The following RPTOR variants were observed in gnomAD, a reference collection of about 807,000 sequenced individuals.
RPTOR encodes the protein regulatory-associated protein of mTOR.
Under a neutral mutation model 169.9 loss-of-function variants are expected in RPTOR, and 21 were observed. The observed-to-expected ratio is 0.12, with a 90% CI of 0.09 to 0.18. The LOEUF is 0.18. Ranked by LOEUF, RPTOR falls within the 10% of genes least tolerant of loss-of-function variation. The pLI, the probability that RPTOR is intolerant of heterozygous loss-of-function variation, is 1.00. For synonymous variants in RPTOR, 732 were observed against 753.2 expected, an observed-to-expected ratio of 0.97 and a Z score of 0.46; for missense variants, 1,133 against 1,855.9, an observed-to-expected ratio of 0.61 and a Z score of 7.16.
At chr17:80,546,543 T>G (rs941062702) in intron 1 of RPTOR, among the ~76,000 whole-genome samples, 2 of 152,104 alleles carry the variant, frequency 1.3e-5, no homozygotes, top group African/African-American at 4.8e-5. Flanking sequence ...ATCTATTTCC[T>G]GGCCTCAAAA....
At chr17:80,813,758 T>C (rs1190798697) in intron 7 of RPTOR, among the ~76,000 whole-genome samples, 4 of 152,232 alleles carry the variant, frequency 2.6e-5, no homozygotes, top group Non-Finnish European at 5.9e-5. Context: ...CTCTACACCG[T>C]CATTTTCATA....
At chr17:80,681,504 G>A (rs1437888596) in intron 3 of RPTOR, among the ~76,000 whole-genome samples, 4 of 152,156 alleles carry the variant, frequency 2.6e-5, no homozygotes, top group Non-Finnish European at 5.9e-5. Flanking sequence ...GGGGAGTGTA[G>A]GGAAGGCCGG....
chr17:80,739,589 C>A (rs2066465448), intron 5 of RPTOR, among the ~76,000 whole-genome samples: 1 of 152,060 alleles, frequency 6.6e-6, no homozygotes, highest in Admixed American at 6.6e-5. Flanking sequence ...TAAAATAAAC[C>A]TCAACAAGTT....
Position 80,601,265 on chromosome 17 carries a change from A to T in RPTOR, c.163-24426A>T, listed in dbSNP as rs1028636802. Among the ~76,000 whole-genome samples the T allele has an allele frequency of 5.9e-5, 9 of 152,392 alleles. No homozygotes were observed. The East Asian group carries it at 1.7e-3, about 29-fold the overall frequency. ...CATCTTGCCTGCTGAGGACCCGGACATTGTGGAGCAGAGACAGGGTGTCCC... is the reference window on the plus strand; with the variant it reads ...CATCTTGCCTGCTGAGGACCCGGACTTTGTGGAGCAGAGACAGGGTGTCCC... On this transcript the variant is annotated intron_variant, in intron 1 of 33. Transcript: ENST00000306801.
At chr17:80,751,478 C>A (rs1485660267) in intron 5 of RPTOR, among the ~76,000 whole-genome samples, 1 of 151,994 alleles carries the variant, frequency 6.6e-6, no homozygotes, top group African/African-American at 2.4e-5. Context: ...TGTGAAGAGC[C>A]GTGAGAAATA....
intron 1 of RPTOR, among the ~76,000 whole-genome samples, chr17:80,568,748 C>T (rs1186279956): frequency 6.6e-6 from 1 of 152,184 alleles, no homozygotes; most frequent in Non-Finnish European, 1.5e-5. Flanking sequence ...TCCCCATTCC[C>T]TCCATCTTTT....
rs1698214728 is a variant in RPTOR at position 80,717,222 on chromosome 17, G to A, written c.507+9223G>A. On this transcript the variant is annotated intron_variant, in intron 4 of 33. Transcript: ENST00000306801. ...TCTCCTTGACTCTTTAGTCCTCCTG[G>A]TGTGGTCTGTTTTTCTCCACAGCTT... 2.6e-5 allele frequency among the ~76,000 whole-genome samples: 4 copies of A among 152,118 alleles called. No homozygotes were observed. The South Asian group carries it at 8.3e-4, about 32-fold the overall frequency.
Position 80,544,918 on chromosome 17 carries a change from A to G in RPTOR, c.-712A>G. The G allele has an allele frequency of 4.4e-6, 1 of 229,006 alleles. No individual in the cohort carries two copies. The highest frequency in any genetic ancestry group is 8.7e-6 in the Non-Finnish European group (1 of 115,056). The allele number at this position is 229,006 out of a possible 1,614,324, so 14.2% of individuals were successfully genotyped here. On this transcript the variant is annotated 5_prime_UTR_variant, in exon 1 of 34. It removes an upstream start codon present in the reference 5' UTR. Coordinates refer to ENST00000306801, the MANE Select transcript of RPTOR (RefSeq NM_020761.3). ...CTCCAAACCAGAGGGCAAAGCTCCCATGACCCAATAAGCCCACATTGTCCC... is the reference window on the plus strand; with the variant it reads ...CTCCAAACCAGAGGGCAAAGCTCCCGTGACCCAATAAGCCCACATTGTCCC...
chr17:80,908,113 G>A (rs901889376), intron 20 of RPTOR, among the ~76,000 whole-genome samples: 2 of 152,176 alleles, frequency 1.3e-5, no homozygotes, highest in African/African-American at 4.8e-5. Flanking sequence ...AATCCTCACC[G>A]ACGAAGCCTC....
At chr17:80,731,871 T>C (rs1433622027) in intron 5 of RPTOR, among the ~76,000 whole-genome samples, 1 of 152,234 alleles carries the variant, frequency 6.6e-6, no homozygotes, top group African/African-American at 2.4e-5. Context: ...CATTAACATG[T>C]GTACAGTTGA....
chr17:80,592,889 G>A (rs777693718), intron 1 of RPTOR, among the ~76,000 whole-genome samples: 5 of 152,274 alleles, frequency 3.3e-5, no homozygotes, highest in African/African-American at 4.8e-5. Flanking sequence ...CACTGATGGC[G>A]GGCGCAATGG....
rs919413783 is a variant in RPTOR, at chr17:80,823,230, G to A, written c.1136+7G>A. 3.7e-6 allele frequency: 6 copies of A among 1,612,866 alleles called. No individual in the cohort carries two copies. In the Admixed American group the frequency reaches 6.7e-5, roughly 18 times the overall value. ...CGTACATGCACGCCATGTGGTGAGTGTTTCAGGATCCTCCAGGTGCCGTGC... is the reference window on the plus strand; with the variant it reads ...CGTACATGCACGCCATGTGGTGAGTATTTCAGGATCCTCCAGGTGCCGTGC... On this transcript the variant is annotated splice_region_variant and intron_variant, in intron 9 of 33. Transcript: ENST00000306801. This position sits in a 1 kb window ranked among gnomAD's most constrained non-coding sequence, Gnocchi z 4.5.
At chr17:80,583,180 C>CTTTTTTTTTT (rs1398903636) in intron 1 of RPTOR, among the ~76,000 whole-genome samples, 1 of 83,744 alleles carries the variant, frequency 1.2e-5, no homozygotes, top group Non-Finnish European at 2.4e-5. Context: ...TGCCTCTTTC[C>CTTTTTTTTTT]TGTTTTTTTT....
intron 3 of RPTOR, among the ~76,000 whole-genome samples, chr17:80,684,435 T>C (rs546118076): frequency 6.7e-6 from 1 of 148,984 alleles, no homozygotes; most frequent in South Asian, 2.1e-4. Flanking sequence ...TTTATTTATT[T>C]ATTTATTTAT....
intron 1 of RPTOR, among the ~76,000 whole-genome samples, chr17:80,584,332 G>T (rs1239920525): frequency 6.6e-6 from 1 of 151,528 alleles, no homozygotes; most frequent in East Asian, 1.9e-4. Context: ...AGCTTTTAAG[G>T]TCAGAACTCA....
At chr17:80,715,080 G>A (rs982382707) in intron 4 of RPTOR, among the ~76,000 whole-genome samples, 1 of 152,198 alleles carries the variant, frequency 6.6e-6, no homozygotes, top group Non-Finnish European at 1.5e-5. Flanking sequence ...TAAACTCAAA[G>A]CAGAAGGAAA....
At chr17:80,836,326 C>T (rs1350762877) in intron 9 of RPTOR, among the ~76,000 whole-genome samples, 1 of 152,248 alleles carries the variant, frequency 6.6e-6, no homozygotes, top group East Asian at 1.9e-4. Context: ...TCCTGCTCGC[C>T]CTCACTCTCA....
chr17:80,963,679 G>C (rs1174572322), intron 33 of RPTOR, among the ~76,000 whole-genome samples: 7 of 4,684 alleles, frequency 1.5e-3, no homozygotes, highest in Non-Finnish European at 2.2e-3. Flanking sequence ...CCCGTCCCCT[G>C]TGCGGCCCTC....
At chr17:80,779,010 C>T (rs1282609539) in intron 6 of RPTOR, among the ~76,000 whole-genome samples, 1 of 152,174 alleles carries the variant, frequency 6.6e-6, no homozygotes, top group Non-Finnish European at 1.5e-5. Context: ...TGTGGTTTAG[C>T]ACAAAACCAA....
Sources: allele counts gnomAD v4.1 joint callset (sites outside exome capture counted in the v4.1 genomes callset), GRCh38; gene constraint gnomAD v4.1.1; non-coding constraint Gnocchi (gnomAD v3.1); transcripts MANE v1.5; gene names NCBI Gene and HGNC (gene_info 2026-07-23, HGNC 2026-07-21).